Variants in ZFAT observed in about 807,000 individuals in gnomAD.
The protein encoded by ZFAT is zinc finger and AT-hook domain containing.
A neutral mutation model predicts 117.7 loss-of-function variants in ZFAT; 64 were observed. The observed-to-expected ratio is 0.54, with a 90% CI of 0.44 to 0.67. The LOEUF is 0.67. Among genes scored for constraint, ZFAT ranks in the 30% least tolerant of loss-of-function variants. The pLI is 0.00. For synonymous variants in ZFAT, 679 were observed against 615.0 expected, an observed-to-expected ratio of 1.10 and a Z score of -1.54; for missense variants, 1,433 against 1,584.5, an observed-to-expected ratio of 0.90 and a Z score of 1.62.
the ZFAT span, among the ~76,000 whole-genome samples, chr8:134,725,762 C>G: frequency 6.6e-6 from 1 of 151,580 alleles, no homozygotes; most frequent in Admixed American, 6.6e-5. Context: ...AAACCAGAGC[C>G]CTTTTTGGTA....
At chr8:134,632,993 C>T (rs905259399) in intron 3 of ZFAT, among the ~76,000 whole-genome samples, 9 of 152,228 alleles carry the variant, frequency 5.9e-5, no homozygotes, top group African/African-American at 2.2e-4. Context: ...AGGATAAAGG[C>T]TATCTGAGGA....
intron 1 of ZFAT, among the ~76,000 whole-genome samples, chr8:134,668,436 G>T (rs1031631696): frequency 6.6e-6 from 1 of 152,250 alleles, no homozygotes; most frequent in African/African-American, 2.4e-5. Context: ...AGCAACATTT[G>T]CCATTCACCA....
intron 15 of ZFAT, among the ~76,000 whole-genome samples, chr8:134,483,002 C>T (rs1488866510): frequency 1.3e-5 from 2 of 152,218 alleles, no homozygotes; most frequent in African/African-American, 4.8e-5. Context: ...AAAAAGCTAA[C>T]GTGTAGAGAG....
intron 15 of ZFAT, among the ~76,000 whole-genome samples, chr8:134,497,977 C>T (rs1231824577): frequency 1.1e-4 from 14 of 125,460 alleles, no homozygotes; most frequent in East Asian, 5.0e-4. Flanking sequence ...GGGGTGGAGC[C>T]AGGATGCCCC....
At position 134,551,643 on chromosome 8, in the gene ZFAT, A is replaced by AT. The variant is rs370380754; in HGVS notation, c.2976+13689dup. On this transcript the variant is annotated intron_variant, in intron 11 of 15. Coordinates refer to ENST00000377838, the MANE Select transcript of ZFAT (RefSeq NM_020863.4). Reference sequence around the variant, plus strand: ...TTTATAAATGTGTGGCTTCCAAACAATCTGCTTATTTGAGATCATTTTATT... The same window carrying AT: ...TTTATAAATGTGTGGCTTCCAAACAATTCTGCTTATTTGAGATCATTTTATT... Among the ~76,000 whole-genome samples, 950 of 152,336 alleles carry AT rather than the reference A, an allele frequency of 6.2e-3. 12 individuals are homozygous for AT. The highest frequency in any genetic ancestry group is 0.022 in the African/African-American group (895 of 41,582).
At chr8:134,733,759 C>T in the ZFAT span, among the ~76,000 whole-genome samples, 4 of 152,202 alleles carry the variant, frequency 2.6e-5, no homozygotes, top group African/African-American at 9.7e-5. Context: ...GGTAGGTCAC[C>T]GTGCCATCAC....
chr8:134,513,342 C>T (rs1025851831), intron 13 of ZFAT, among the ~76,000 whole-genome samples: 5 of 152,106 alleles, frequency 3.3e-5, no homozygotes, highest in Non-Finnish European at 7.4e-5. Flanking sequence ...GGATTACAGG[C>T]ACGCACCACC....
intron 1 of ZFAT, among the ~76,000 whole-genome samples, chr8:134,692,415 C>G (rs1420467573): frequency 2.0e-5 from 3 of 152,238 alleles, no homozygotes; most frequent in Non-Finnish European, 4.4e-5. Flanking sequence ...CGCCCCAGCC[C>G]TACCTCAATG....
intron 1 of ZFAT, among the ~76,000 whole-genome samples, chr8:134,704,319 A>G (rs1834091630): frequency 6.6e-6 from 1 of 152,224 alleles, no homozygotes; most frequent in Non-Finnish European, 1.5e-5. Context: ...TGAAGATTAC[A>G]GACCCAGGGC....
chr8:134,629,440 C>T (rs1216257465), intron 3 of ZFAT, among the ~76,000 whole-genome samples: 3 of 151,806 alleles, frequency 2.0e-5, no homozygotes, highest in East Asian at 3.9e-4. Context: ...ACTTCTTGGG[C>T]CCTTGAACTC....
At chr8:134,822,609 A>G in the ZFAT span, among the ~76,000 whole-genome samples, 11 of 152,320 alleles carry the variant, frequency 7.2e-5, no homozygotes, top group Middle Eastern at 3.4e-3. Context: ...TTATGAGAGC[A>G]TAAGTGTGAG....
chr8:134,687,647 C>T (rs773722672), intron 1 of ZFAT, among the ~76,000 whole-genome samples: 11 of 152,218 alleles, frequency 7.2e-5, no homozygotes, highest in South Asian at 4.2e-4. Flanking sequence ...ACCCTGGACA[C>T]GACAGCTCCC....
the ZFAT span, chr8:134,785,135 G>A: frequency 5.3e-5 from 8 of 152,162 alleles, no homozygotes; most frequent in African/African-American, 1.9e-4. Context: ...GTATCTAACT[G>A]TGCTGACTGG....
intron 1 of ZFAT, among the ~76,000 whole-genome samples, chr8:134,659,749 T>C (rs1831836961): frequency 6.6e-6 from 1 of 152,000 alleles, no homozygotes; most frequent in Non-Finnish European, 1.5e-5. Flanking sequence ...ACAGTAAAAC[T>C]CTCCTACCAG....
intron 15 of ZFAT, among the ~76,000 whole-genome samples, chr8:134,479,684 T>G (rs1219331522): frequency 6.6e-6 from 1 of 152,180 alleles, no homozygotes. Context: ...GGGACACCCA[T>G]TCATTTCCAG....
the ZFAT span, among the ~76,000 whole-genome samples, chr8:134,729,787 G>C: frequency 2.0e-5 from 3 of 152,130 alleles, no homozygotes; most frequent in Non-Finnish European, 4.4e-5. Flanking sequence ...TGGGTCCTGG[G>C]CATATTCTAA....
intron 11 of ZFAT, among the ~76,000 whole-genome samples, chr8:134,545,965 C>T (rs1203812693): frequency 2.6e-5 from 4 of 152,106 alleles, no homozygotes. Flanking sequence ...GCAACAGAGG[C>T]CCCCTTCACA....
intron 5 of ZFAT, among the ~76,000 whole-genome samples, chr8:134,606,772 T>A (rs923060371): frequency 7.1e-5 from 10 of 141,110 alleles, no homozygotes; most frequent in African/African-American, 2.6e-4. Context: ...AGATACAAAA[T>A]CGCTATAAAA....
chr8:134,773,990 T>G, the ZFAT span, among the ~76,000 whole-genome samples: 39 of 63,194 alleles, frequency 6.2e-4, 1 homozygote, highest in African/African-American at 1.7e-3. Context: ...ATTAATTTTT[T>G]TTTTTTTTTT....
Sources: gnomAD v4.1 joint callset for allele counts (sites outside exome capture counted in the v4.1 genomes callset) on GRCh38, gnomAD v4.1.1 for gene constraint, MANE v1.5 for transcripts, NCBI Gene and HGNC (gene_info 2026-07-23, HGNC 2026-07-21) for gene names.